TMEFF1: variants seen among roughly 807,000 people sequenced by gnomAD.
The protein encoded by TMEFF1 is transmembrane protein with EGF like and two follistatin like domains 1, also known as tomoregulin-1.
In TMEFF1, 20 loss-of-function variants were observed where a neutral mutation model predicts 47.5. The observed-to-expected ratio is 0.42, with a 90% CI of 0.30 to 0.61. The LOEUF (loss-of-function observed/expected upper bound fraction) is 0.61. TMEFF1 is among the 20% of genes least tolerant of loss of function. The pLI is 0.19. For missense variants in TMEFF1, 411 were observed against 471.1 expected (o/e 0.87, Z 1.18); for synonymous variants, 162 against 166.3 (o/e 0.97, Z 0.20).
At chr9:100,476,150 AC>A in intron 1 of TMEFF1, among the ~76,000 whole-genome samples, 1 of 151,932 alleles carries the variant, frequency 6.6e-6, no homozygotes, top group Non-Finnish European at 1.5e-5. Flanking sequence ...AGTAAGATAT[AC>A]TTGAATAACT....
intron 2 of TMEFF1, among the ~76,000 whole-genome samples, chr9:100,507,899 A>G (rs1351875245): frequency 6.6e-6 from 1 of 152,188 alleles, no homozygotes; most frequent in Non-Finnish European, 1.5e-5. Flanking sequence ...TGATTTCTAA[A>G]TGTGTAATTC....
intron 9 of TMEFF1, among the ~76,000 whole-genome samples, chr9:100,576,058 C>T (rs951280866): frequency 7.2e-5 from 11 of 152,270 alleles, no homozygotes; most frequent in Admixed American, 2.0e-4. Flanking sequence ...AAGCACACTT[C>T]TTCCTGATTT....
intron 5 of TMEFF1, among the ~76,000 whole-genome samples, 153 bp from the exon 6 acceptor site, chr9:100,547,591 G>A (rs1454111837): frequency 6.6e-6 from 1 of 151,982 alleles, no homozygotes; most frequent in Non-Finnish European, 1.5e-5. Flanking sequence ...ATTTTTTTAG[G>A]TATTTACTTT....
intron 5 of TMEFF1, among the ~76,000 whole-genome samples, chr9:100,526,750 T>G (rs1426872285): frequency 2.0e-5 from 3 of 151,692 alleles, no homozygotes; most frequent in African/African-American, 7.3e-5. Flanking sequence ...GTTTTTAATG[T>G]TATGTGGCCT....
intron 3 of TMEFF1, among the ~76,000 whole-genome samples, chr9:100,510,855 A>G (rs1352592565): frequency 6.6e-6 from 1 of 152,144 alleles, no homozygotes; most frequent in East Asian, 1.9e-4. Context: ...CTCTGGGTCC[A>G]CTAATACTGT....
chr9:100,481,860 C>T (rs1480629519), intron 1 of TMEFF1, among the ~76,000 whole-genome samples: 2 of 152,156 alleles, frequency 1.3e-5, no homozygotes, highest in Admixed American at 6.5e-5. Flanking sequence ...CAGCTCAGTG[C>T]AACCTCCGCC....
At chr9:100,535,695 CG>C (rs1838489424) in intron 5 of TMEFF1, among the ~76,000 whole-genome samples, 1 of 152,122 alleles carries the variant, frequency 6.6e-6, no homozygotes, top group African/African-American at 2.4e-5. Context: ...ACCTGGGAGG[CG>C]GAGGTTGCAG....
intron 8 of TMEFF1, among the ~76,000 whole-genome samples, chr9:100,571,793 T>C (rs1839244218): frequency 6.6e-6 from 1 of 152,158 alleles, no homozygotes; most frequent in African/African-American, 2.4e-5. Flanking sequence ...GAGCTTGTTT[T>C]TCCTGCAATT....
intron 6 of TMEFF1, among the ~76,000 whole-genome samples, chr9:100,548,593 A>G (rs1179412167): frequency 1.3e-5 from 2 of 152,202 alleles, no homozygotes; most frequent in Non-Finnish European, 2.9e-5. Flanking sequence ...TGGACCAGGC[A>G]CACTCTCATG....
At chr9:100,547,592 T>G (rs2118509193) in intron 5 of TMEFF1, 152 bp from the exon 6 acceptor site, 1 of 893,042 alleles carries the variant, frequency 1.1e-6, no homozygotes, top group South Asian at 4.7e-5. Context: ...TTTTTTTAGG[T>G]ATTTACTTTG....
intron 5 of TMEFF1, among the ~76,000 whole-genome samples, chr9:100,522,208 C>T (rs573822514): frequency 6.6e-6 from 1 of 152,126 alleles, no homozygotes; most frequent in Non-Finnish European, 1.5e-5. Context: ...TTTATTTCCT[C>T]CTAATCAGAG....
At chr9:100,526,673 A>G (rs1320932244) in intron 5 of TMEFF1, among the ~76,000 whole-genome samples, 1 of 152,100 alleles carries the variant, frequency 6.6e-6, no homozygotes, top group Non-Finnish European at 1.5e-5. Flanking sequence ...TCTATCAATC[A>G]TTCAGGACTC....
At chr9:100,569,389 T>A (rs1205517840) in intron 8 of TMEFF1, among the ~76,000 whole-genome samples, 2 of 152,218 alleles carry the variant, frequency 1.3e-5, no homozygotes, top group East Asian at 3.8e-4. Flanking sequence ...TCTTTTATTT[T>A]TTGGCTATTA....
chr9:100,544,700 C>T (rs970302624), intron 5 of TMEFF1, among the ~76,000 whole-genome samples: 1 of 152,214 alleles, frequency 6.6e-6, no homozygotes, highest in African/African-American at 2.4e-5. Context: ...CTCAAAAGTC[C>T]ACAGTCCAAC....
intron 7 of TMEFF1, among the ~76,000 whole-genome samples, chr9:100,560,711 G>C (rs1838999861): frequency 6.6e-6 from 1 of 152,076 alleles, no homozygotes; most frequent in African/African-American, 2.4e-5. Flanking sequence ...ACTTAAGTCT[G>C]AGCAGATGTT....
intron 5 of TMEFF1, among the ~76,000 whole-genome samples, chr9:100,533,147 T>A (rs550630865): frequency 2.0e-5 from 3 of 149,492 alleles, no homozygotes; most frequent in South Asian, 4.4e-4. Flanking sequence ...TAGATGACGA[T>A]TTAGTGGGTG....
At chr9:100,501,781 A>G (rs1837767226) in intron 2 of TMEFF1, among the ~76,000 whole-genome samples, 1 of 152,006 alleles carries the variant, frequency 6.6e-6, no homozygotes, top group African/African-American at 2.4e-5. Flanking sequence ...AGTAACTGGG[A>G]CTGCAGGTGC....
At chr9:100,553,181 C>G (rs1217648496) in intron 7 of TMEFF1, among the ~76,000 whole-genome samples, 1 of 152,188 alleles carries the variant, frequency 6.6e-6, no homozygotes, top group Non-Finnish European at 1.5e-5. Context: ...CATTGACAAT[C>G]TTGGACCAAG....
intron 1 of TMEFF1, among the ~76,000 whole-genome samples, chr9:100,484,562 G>C (rs1048362870): frequency 6.6e-6 from 1 of 151,754 alleles, no homozygotes; most frequent in African/African-American, 2.4e-5. Flanking sequence ...CAGGTGATCC[G>C]CCTGCCTTGG....
Sources: gnomAD v4.1 joint callset for allele counts (sites outside exome capture counted in the v4.1 genomes callset) on GRCh38, gnomAD v4.1.1 for gene constraint, MANE v1.5 for transcripts, NCBI Gene and HGNC (gene_info 2026-07-23, HGNC 2026-07-21) for gene names.